Variants in ARPC1A observed in about 807,000 individuals in gnomAD.
ARPC1A encodes the protein actin related protein 2/3 complex subunit 1A, also known as actin-related protein 2/3 complex subunit 1A.
In ARPC1A, 8 loss-of-function variants were observed where a neutral mutation model predicts 46.9. The observed-to-expected ratio is 0.17, with a 90% CI of 0.10 to 0.31. ARPC1A has a LOEUF of 0.31. Among genes scored for constraint, ARPC1A ranks in the 10% least tolerant of loss-of-function variants. The probability of loss-of-function intolerance (pLI) is 1.00; values close to 1 mark genes in which losing one functional copy is unlikely to be tolerated. For synonymous variants in ARPC1A, 152 were observed against 169.0 expected (o/e 0.90, Z 0.78); for missense variants, 286 against 483.6 (o/e 0.59, Z 3.83).
chr7:99,339,868 T>G (rs1324435972), intron 3 of ARPC1A: 3 of 413,978 alleles, frequency 7.2e-6, no homozygotes, highest in Non-Finnish European at 5.1e-6. Context: ...GGTATGCATA[T>G]CTGCAGTGCA....
chr7:99,357,169 C>A (rs1480166104), intron 6 of ARPC1A, among the ~76,000 whole-genome samples: 1 of 152,072 alleles, frequency 6.6e-6, no homozygotes, highest in African/African-American at 2.4e-5. Flanking sequence ...CCTGTCTACC[C>A]TCGTACTGAC....
At chr7:99,347,058 T>G (rs1793466095) in intron 4 of ARPC1A, among the ~76,000 whole-genome samples, 2 of 152,080 alleles carry the variant, frequency 1.3e-5, no homozygotes, top group South Asian at 4.1e-4. Context: ...GGGATTTTGG[T>G]TTTTTATTTT....
Position 99,363,597 on chromosome 7 carries a change from T to A in ARPC1A, c.1038T>A (p.Thr346=). The part of the protein sequence containing the change: ...DKQDCRKFCT[T]GIDGAMTIWD... ...AAGATTGTCGCAAATTTTGCACTAC[T>A]GGCATCGATGGAGCCATGACAATTT... The change falls in exon 9 of 10, where the codon ACT becomes ACA. Residue 346 remains threonine, a synonymous_variant. Coordinates refer to ENST00000262942, the MANE Select transcript of ARPC1A (RefSeq NM_006409.4). 6.2e-7 allele frequency: 1 copy of A among 1,613,254 alleles called. No individual in the cohort carries two copies. Among genetic ancestry groups the A allele is most frequent in the Non-Finnish European group, 8.5e-7 (1 of 1,179,822 alleles).
intron 5 of ARPC1A, 25 bp from the exon 6 acceptor site, chr7:99,353,883 TC>T: frequency 6.2e-7 from 1 of 1,605,828 alleles, no homozygotes; most frequent in Non-Finnish European, 8.5e-7. Context: ...ATTTGCTTTT[TC>T]CTTTTCTCTC....
intron 1 of ARPC1A, among the ~76,000 whole-genome samples, chr7:99,327,442 C>G (rs916378383): frequency 2.0e-5 from 3 of 151,700 alleles, no homozygotes; most frequent in African/African-American, 7.3e-5. Context: ...TCCCGAGTAG[C>G]TGTGACTACA....
At chr7:99,342,350 C>G (rs1793368718) in intron 3 of ARPC1A, among the ~76,000 whole-genome samples, 1 of 152,046 alleles carries the variant, frequency 6.6e-6, no homozygotes, top group Non-Finnish European at 1.5e-5. Context: ...CCCTGGAGTT[C>G]AAGACCAGCC....
chr7:99,357,908 C>T (rs1469661003), intron 6 of ARPC1A, among the ~76,000 whole-genome samples: 1 of 152,182 alleles, frequency 6.6e-6, no homozygotes, highest in Non-Finnish European at 1.5e-5. Context: ...TCTCGGAGCT[C>T]CGGTGAGCAC....
Position 99,358,334 on chromosome 7 carries a change from G to A in ARPC1A, c.714-6G>A, listed in dbSNP as rs771774108. The A allele has an allele frequency of 1.2e-6, 2 of 1,613,684 alleles. No homozygotes were observed. Among genetic ancestry groups the A allele is most frequent in the Non-Finnish European group, 8.5e-7 (1 of 1,179,648 alleles). ...ATCTTGGGATAACACATGTTCTTGT[G>A]TTCAGGGTCTCGACTCTGAAGACAG... On this transcript the variant is annotated splice_region_variant and splice_polypyrimidine_tract_variant and intron_variant, in intron 6 of 9. Transcript: ENST00000262942.
At chr7:99,337,560 G>T (rs995587778) in intron 2 of ARPC1A, among the ~76,000 whole-genome samples, 4 of 152,102 alleles carry the variant, frequency 2.6e-5, no homozygotes, top group Admixed American at 1.3e-4. Flanking sequence ...TTCAGATTAG[G>T]GATGCTCAAC....
Position 99,334,004 on chromosome 7 carries a change from T to TACACACACAC in ARPC1A, c.64+605_64+614dup, listed in dbSNP as rs547756931. Among the ~76,000 whole-genome samples, 5 of 141,326 alleles carry TACACACACAC rather than the reference T, an allele frequency of 3.5e-5. No individual in the cohort carries two copies. In the East Asian group the frequency reaches 8.2e-4, roughly 23 times the overall value. The allele number at this position is 141,326 out of a possible 152,430, so 92.7% of individuals were successfully genotyped here. A position where few individuals can be genotyped will look rare whatever the true frequency, so the allele number is the denominator to read the frequency against. The stretch of plus-strand genomic sequence containing the variant: ...AAAATAGAAAAACTGTGTGTGTGTG[T>TACACACACAC]ACACACACACACACACACACACACA... On this transcript the variant is annotated intron_variant, in intron 2 of 9. Coordinates refer to ENST00000262942, the MANE Select transcript of ARPC1A (RefSeq NM_006409.4).
At chr7:99,360,911 C>T (rs1025448004) in intron 8 of ARPC1A, among the ~76,000 whole-genome samples, 9 of 143,510 alleles carry the variant, frequency 6.3e-5, no homozygotes, top group African/African-American at 5.4e-5. Flanking sequence ...ACTGCACTCC[C>T]GCCTGGGTGA....
At chr7:99,329,265 T>C (rs1334212914) in intron 1 of ARPC1A, among the ~76,000 whole-genome samples, 4 of 147,194 alleles carry the variant, frequency 2.7e-5, no homozygotes, top group African/African-American at 5.1e-5. Flanking sequence ...CGTGCCACTG[T>C]ACTCCAGCCT....
At chr7:99,351,675 C>T (rs1049623790) in intron 5 of ARPC1A, among the ~76,000 whole-genome samples, 1 of 152,230 alleles carries the variant, frequency 6.6e-6, no homozygotes, top group African/African-American at 2.4e-5. Context: ...CCTCACATAA[C>T]TCACAGTCCT....
Position 99,366,213 on chromosome 7 carries a change from GAGATATGTAAA to G in ARPC1A, c.*285_*295del. The G allele has an allele frequency of 2.7e-6, 1 of 377,220 alleles. No individual in the cohort carries two copies. Among genetic ancestry groups the G allele is most frequent in the Non-Finnish European group, 4.8e-6 (1 of 207,750 alleles). 23.4% of individuals were successfully genotyped at this position (377,220 alleles called of 1,614,324 possible). On this transcript the variant is annotated 3_prime_UTR_variant, in exon 10 of 10. Coordinates refer to ENST00000262942, the MANE Select transcript of ARPC1A (RefSeq NM_006409.4). ...CACTAACTTAAAAGACAGGGTGAGG[GAGATATGTAAA>G]TTGTCCACTAGAAAATTAAATAAAA...
chr7:99,335,765 T>A (rs1488665494), intron 2 of ARPC1A, among the ~76,000 whole-genome samples: 9 of 152,050 alleles, frequency 5.9e-5, no homozygotes, highest in Admixed American at 5.9e-4. Flanking sequence ...CCATCCTGAC[T>A]AACACAGTGA....
rs1172071932 is a variant in ARPC1A at position 99,344,920 on chromosome 7, C to CTTT, written c.392+432_392+434dup. ...TAGGATTCCTACAGATAACAATGTT[C>CTTT]TTTTTTTTTTTTTTTTTTTTTTTTT... On this transcript the variant is annotated intron_variant, in intron 4 of 9. Transcript: ENST00000262942. Among the ~76,000 whole-genome samples, 41 of 20,108 alleles carry CTTT rather than the reference C, an allele frequency of 2.0e-3. 12 individuals are homozygous for CTTT. Among genetic ancestry groups the CTTT allele is most frequent in the African/African-American group, 5.7e-3 (26 of 4,574 alleles). 13.2% of individuals were successfully genotyped at this position (20,108 alleles called of 152,430 possible). A position where few individuals can be genotyped will look rare whatever the true frequency, so the allele number is the denominator to read the frequency against.
intron 9 of ARPC1A, 137 bp downstream of exon 9, chr7:99,363,770 C>A: frequency 3.2e-6 from 2 of 622,886 alleles, no homozygotes; most frequent in Non-Finnish European, 5.5e-6. Context: ...CAACTCCTTG[C>A]CTCCAGCAGC....
At chr7:99,342,197 C>T (rs556159386) in intron 3 of ARPC1A, among the ~76,000 whole-genome samples, 22 of 152,250 alleles carry the variant, frequency 1.4e-4, no homozygotes, top group African/African-American at 4.8e-4. Context: ...ATTTGAAGCA[C>T]ATCCCAGACA....
Position 99,338,254 on chromosome 7 carries a change from T to C in ARPC1A, c.138T>C (p.His46=), listed in dbSNP as rs1249837704. The part of the protein sequence containing the change: ...KKNGSQWVKA[H]ELKEHNGHIT... ...ACGGGAGCCAGTGGGTGAAAGCTCA[T>C]GAACTCAAGGAGCACAACGGACACA... Residue 46 remains histidine (H), a synonymous_variant, in exon 3 of 10, where the codon CAT becomes CAC. Transcript: ENST00000262942. 1.9e-6 allele frequency: 3 copies of C among 1,612,272 alleles called. No homozygotes were observed. Among genetic ancestry groups the C allele is most frequent in the Non-Finnish European group, 1.7e-6 (2 of 1,179,026 alleles).
Sources: gnomAD v4.1 joint callset for allele counts (sites outside exome capture counted in the v4.1 genomes callset) on GRCh38, gnomAD v4.1.1 for gene constraint, MANE v1.5 for transcripts, NCBI Gene and HGNC (gene_info 2026-07-23, HGNC 2026-07-21) for gene names.